The following CNBD1 variants were observed in gnomAD, a reference collection of about 807,000 sequenced individuals.
CNBD1 encodes the protein cyclic nucleotide-binding domain-containing protein 1.
A neutral mutation model predicts 54.4 loss-of-function variants in CNBD1; 71 were observed. That is an observed-to-expected ratio of 1.30 (90% CI 1.08 to 1.59). The LOEUF is 1.59. Among genes scored for constraint, CNBD1 ranks in the 40% most tolerant of loss-of-function variants. CNBD1 has a pLI of 0.00. For synonymous variants in CNBD1, 182 were observed against 170.7 expected, an observed-to-expected ratio of 1.07 and a Z score of -0.51; for missense variants, 659 against 518.0, an observed-to-expected ratio of 1.27 and a Z score of -2.64.
intron 9 of CNBD1, among the ~76,000 whole-genome samples, chr8:87,352,534 T>C (rs1452975413): frequency 1.3e-5 from 2 of 150,698 alleles, no homozygotes; most frequent in African/African-American, 4.9e-5. Flanking sequence ...CTGGAAGTAG[T>C]CCACGTATCC....
intron 10 of CNBD1, among the ~76,000 whole-genome samples, chr8:87,368,498 C>A (rs907579960): frequency 1.3e-5 from 2 of 151,736 alleles, no homozygotes; most frequent in Non-Finnish European, 2.9e-5. Context: ...GTTAGCTGGG[C>A]ATGGTGCCTC....
intron 4 of CNBD1, among the ~76,000 whole-genome samples, chr8:87,079,035 C>T (rs540811454): frequency 7.1e-4 from 105 of 148,800 alleles, no homozygotes; most frequent in Non-Finnish European, 1.3e-3. Context: ...TTTCTAGACC[C>T]AGGAAACTAC....
chr8:86,958,674 T>C (rs1483186220), intron 4 of CNBD1, among the ~76,000 whole-genome samples: 1 of 152,200 alleles, frequency 6.6e-6, no homozygotes. Context: ...TGTTTTCCAT[T>C]TCCTTGGTAA....
chr8:87,111,388 T>G (rs1811658358), intron 4 of CNBD1, among the ~76,000 whole-genome samples: 1 of 152,220 alleles, frequency 6.6e-6, no homozygotes, highest in Non-Finnish European at 1.5e-5. Context: ...GATCTCATAA[T>G]GTCGTTATCT....
chr8:87,179,621 A>G (rs1813268758), intron 4 of CNBD1, among the ~76,000 whole-genome samples: 1 of 152,206 alleles, frequency 6.6e-6, no homozygotes, highest in South Asian at 2.1e-4. Context: ...AAGTCTTGGC[A>G]CGACCCAGAG....
intron 1 of CNBD1, among the ~76,000 whole-genome samples, chr8:86,874,110 C>T (rs1808481736): frequency 6.6e-6 from 1 of 152,182 alleles, no homozygotes; most frequent in Non-Finnish European, 1.5e-5. Context: ...CAGCACCATA[C>T]TGTTATGATA....
In CNBD1 at chr8:87,273,204, T is replaced by A. The variant is rs193226855; in HGVS notation, c.772-11474T>A. Among the ~76,000 whole-genome samples the A allele has an allele frequency of 3.7e-4, 57 of 152,086 alleles. 2 individuals are homozygous for A. The highest frequency in any genetic ancestry group is 3.5e-3 in the Admixed American group (54 of 15,212). On this transcript the variant is annotated intron_variant, in intron 6 of 10. Coordinates refer to ENST00000518476, the MANE Select transcript of CNBD1 (RefSeq NM_173538.3). Reference sequence around the variant, plus strand: ...TGTTTAGAAAATTATGAAATATAGCTCAAATTATTTTATTAATTGGTTTAA... The same window carrying A: ...TGTTTAGAAAATTATGAAATATAGCACAAATTATTTTATTAATTGGTTTAA...
In CNBD1 at chr8:86,971,852, C is replaced by A. The variant is rs575655146; in HGVS notation, c.431+32098C>A. ...AATTCTAAACATTTCAATTGTTTTT[C>A]TTTTATTTATTTTTAAGTAAACAAT... On this transcript the variant is annotated intron_variant, in intron 4 of 10. Coordinates refer to ENST00000518476, the MANE Select transcript of CNBD1 (RefSeq NM_173538.3). Among the ~76,000 whole-genome samples, 100 of 152,114 alleles carry A rather than the reference C, an allele frequency of 6.6e-4. 1 individual carries two copies. Among genetic ancestry groups the A allele is most frequent in the African/African-American group, 2.3e-3 (94 of 41,508 alleles).
chr8:86,965,697 C>G (rs559202086), intron 4 of CNBD1, among the ~76,000 whole-genome samples: 1 of 152,052 alleles, frequency 6.6e-6, no homozygotes, highest in South Asian at 2.1e-4. Flanking sequence ...TCTGTGGCTG[C>G]GGGTGGCTTT....
intron 4 of CNBD1, among the ~76,000 whole-genome samples, chr8:86,961,087 G>T (rs1045884524): frequency 6.6e-6 from 1 of 152,076 alleles, no homozygotes; most frequent in Non-Finnish European, 1.5e-5. Flanking sequence ...TTTAAAGCTA[G>T]CCTGTTTATA....
At chr8:87,379,749 G>T (rs1811035027) in intron 10 of CNBD1, among the ~76,000 whole-genome samples, 1 of 151,710 alleles carries the variant, frequency 6.6e-6, no homozygotes, top group Non-Finnish European at 1.5e-5. Flanking sequence ...AAATTACATT[G>T]ATTGAATCTG....
chr8:87,264,354 T>G (rs1277725298), intron 6 of CNBD1, among the ~76,000 whole-genome samples: 1 of 152,186 alleles, frequency 6.6e-6, no homozygotes, highest in African/African-American at 2.4e-5. Flanking sequence ...CTGCATAGTA[T>G]TCCATGGTGT....
At chr8:86,992,099 CAG>C (rs982196851) in intron 4 of CNBD1, among the ~76,000 whole-genome samples, 4 of 152,112 alleles carry the variant, frequency 2.6e-5, no homozygotes, top group African/African-American at 9.7e-5. Flanking sequence ...GTGTAACACT[CAG>C]GGGAGTGTTG....
At chr8:87,378,227 C>G (rs1302862160) in intron 10 of CNBD1, among the ~76,000 whole-genome samples, 3 of 141,890 alleles carry the variant, frequency 2.1e-5, no homozygotes, top group East Asian at 4.0e-4. Context: ...AAGTCCTTGC[C>G]CATGCCTATG....
chr8:87,106,129 C>G (rs1210157748), intron 4 of CNBD1, among the ~76,000 whole-genome samples: 1 of 151,826 alleles, frequency 6.6e-6, no homozygotes, highest in Non-Finnish European at 1.5e-5. Context: ...TTTTCTTTTT[C>G]TTTCTTTCCT....
At chr8:87,300,874 A>T (rs1255840332) in intron 8 of CNBD1, among the ~76,000 whole-genome samples, 1 of 152,134 alleles carries the variant, frequency 6.6e-6, no homozygotes, top group Non-Finnish European at 1.5e-5. Flanking sequence ...GAAGACTAAA[A>T]ATTTCTTTTG....
intron 6 of CNBD1, among the ~76,000 whole-genome samples, chr8:87,270,609 C>G (rs1355682937): frequency 2.0e-5 from 3 of 151,908 alleles, no homozygotes; most frequent in African/African-American, 4.8e-5. Context: ...AATCCCATTA[C>G]TGGGTATATA....
chr8:87,330,386 G>A (rs935630421), intron 8 of CNBD1, among the ~76,000 whole-genome samples: 1 of 150,408 alleles, frequency 6.6e-6, no homozygotes, highest in African/African-American at 2.4e-5. Flanking sequence ...TTTTTTTTCT[G>A]TTTACTTGGA....
intron 1 of CNBD1, 150 bp from the exon 2 acceptor site, chr8:86,887,392 C>T (rs1403580023): frequency 1.1e-5 from 6 of 555,612 alleles, no homozygotes; most frequent in Middle Eastern, 4.8e-4. Flanking sequence ...TGCAGTTCTA[C>T]TTGTGTATTA....
Sources: gnomAD v4.1 joint callset for allele counts (sites outside exome capture counted in the v4.1 genomes callset) on GRCh38, gnomAD v4.1.1 for gene constraint, MANE v1.5 for transcripts, NCBI Gene and HGNC (gene_info 2026-07-23, HGNC 2026-07-21) for gene names.